GLRA1: variants seen among roughly 807,000 people sequenced by gnomAD.
GLRA1 encodes the protein glycine receptor subunit alpha-1.
In GLRA1, 37 loss-of-function variants were observed where a neutral mutation model predicts 48.3. That is an observed-to-expected ratio of 0.77 (90% confidence interval 0.59 to 1.01). GLRA1 has a LOEUF of 1.01. GLRA1 is among the 50% of genes least tolerant of loss of function. The probability of loss-of-function intolerance (pLI) is 0.00; values close to 1 mark genes in which losing one functional copy is unlikely to be tolerated. For missense variants in GLRA1, 427 were observed against 571.0 expected, an observed-to-expected ratio of 0.75 and a Z score of 2.57; for synonymous variants, 196 against 210.7, an observed-to-expected ratio of 0.93 and a Z score of 0.60.
intron 3 of GLRA1, among the ~76,000 whole-genome samples, chr5:151,883,308 TG>T (rs1197630922): frequency 6.6e-6 from 1 of 152,176 alleles, no homozygotes; most frequent in Non-Finnish European, 1.5e-5. Context: ...GGCATGATAT[TG>T]GGTTGGATTT....
At chr5:151,869,167 G>A (rs370486629) in intron 3 of GLRA1, among the ~76,000 whole-genome samples, 13 of 151,374 alleles carry the variant, frequency 8.6e-5, no homozygotes, top group Admixed American at 1.3e-4. Flanking sequence ...GCAGTGGTGC[G>A]ATCTCTGCTC....
chr5:151,832,088 A>G (rs1350248097), intron 7 of GLRA1, among the ~76,000 whole-genome samples: 1 of 152,254 alleles, frequency 6.6e-6, no homozygotes, highest in Non-Finnish European at 1.5e-5. Context: ...TAACAAACAG[A>G]AAGGAATAGC....
chr5:151,891,968 C>T (rs1754087831), intron 2 of GLRA1, among the ~76,000 whole-genome samples: 1 of 152,190 alleles, frequency 6.6e-6, no homozygotes, highest in African/African-American at 2.4e-5. Flanking sequence ...AGAGACTCAT[C>T]ATCTAAGCTC....
chr5:151,846,386 T>C (rs1313082798), intron 7 of GLRA1, among the ~76,000 whole-genome samples: 1 of 152,176 alleles, frequency 6.6e-6, no homozygotes, highest in Non-Finnish European at 1.5e-5. Flanking sequence ...GAATGTTGAA[T>C]CTAACATAAG....
intron 2 of GLRA1, among the ~76,000 whole-genome samples, chr5:151,890,823 T>A (rs79699454): frequency 6.6e-6 from 1 of 152,216 alleles, no homozygotes; most frequent in Admixed American, 6.5e-5. Context: ...AACCTTGTTA[T>A]TGACTTACCT....
At chr5:151,879,479 A>G (rs1753709742) in intron 3 of GLRA1, among the ~76,000 whole-genome samples, 1 of 152,030 alleles carries the variant, frequency 6.6e-6, no homozygotes, top group Non-Finnish European at 1.5e-5. Flanking sequence ...CTCAGCCTCC[A>G]AGTAGCTGGG....
intron 8 of GLRA1, among the ~76,000 whole-genome samples, chr5:151,825,102 A>G (rs918007040): frequency 6.6e-6 from 1 of 152,186 alleles, no homozygotes; most frequent in Non-Finnish European, 1.5e-5. Context: ...TGTGCCACCT[A>G]CAGTGCCTGG....
intron 1 of GLRA1, among the ~76,000 whole-genome samples, chr5:151,911,665 G>A (rs1359049829): frequency 6.8e-6 from 1 of 147,050 alleles, no homozygotes; most frequent in Non-Finnish European, 1.5e-5. Flanking sequence ...GAGTGCAGTG[G>A]CACTACCTCT....
At chr5:151,844,169 T>TAA (rs144551996) in intron 7 of GLRA1, among the ~76,000 whole-genome samples, 32 of 144,858 alleles carry the variant, frequency 2.2e-4, no homozygotes, top group African/African-American at 4.3e-4. Flanking sequence ...GACTATGTCT[T>TAA]AAAAAAAAAA....
At chr5:151,885,449 C>T (rs1753876084) in intron 3 of GLRA1, among the ~76,000 whole-genome samples, 2 of 152,206 alleles carry the variant, frequency 1.3e-5, no homozygotes, top group African/African-American at 4.8e-5. Context: ...AGAAGGGACC[C>T]ATCCCAGCCT....
intron 4 of GLRA1, 86 bp downstream of exon 4, chr5:151,859,699 G>T: frequency 3.1e-6 from 3 of 970,050 alleles, no homozygotes; most frequent in Non-Finnish European, 3.3e-6. Context: ...ACCTCTGTTT[G>T]GCCCCTCTTT....
intron 3 of GLRA1, among the ~76,000 whole-genome samples, chr5:151,880,414 A>C (rs2913894): frequency 0.63 from 96,232 of 152,044 alleles, 30,779 homozygotes; most frequent in African/African-American, 0.71. Context: ...TGCCCCTTAA[A>C]GTCAAATAAG....
chr5:151,872,006 A>T lies in GLRA1; in HGVS notation c.253-11998T>A, dbSNP rs189750985. 1.8e-4 allele frequency among the ~76,000 whole-genome samples: 27 copies of T among 149,872 alleles called. 1 individual carries two copies. Among genetic ancestry groups the T allele is most frequent in the Non-Finnish European group, 3.5e-4 (24 of 68,038 alleles). On this transcript the variant is annotated intron_variant, in intron 3 of 8. Coordinates refer to ENST00000274576, the MANE Select transcript of GLRA1 (RefSeq NM_000171.4). ...CAGACATAGAAATATAATGAGTCAT[A>T]GAAATTAAAGCAGTGTGATATTGGT...
intron 3 of GLRA1, among the ~76,000 whole-genome samples, chr5:151,878,190 AAAGG>A (rs1433724650): frequency 8.5e-5 from 13 of 152,204 alleles, no homozygotes; most frequent in Non-Finnish European, 1.6e-4. Flanking sequence ...GAACTGGAGC[AAAGG>A]TGACGCTTGT....
intron 1 of GLRA1, among the ~76,000 whole-genome samples, chr5:151,893,530 C>T (rs776466448): frequency 2.0e-5 from 3 of 151,956 alleles, no homozygotes; most frequent in Non-Finnish European, 2.9e-5. Flanking sequence ...ACCCGACAGG[C>T]CCTGTTGTGT....
At chr5:151,924,429 G>T (rs1754956488) in intron 1 of GLRA1, 65 bp downstream of exon 1, 1 of 979,762 alleles carries the variant, frequency 1.0e-6, no homozygotes, top group African/African-American at 1.6e-5. Flanking sequence ...CACGGACAGA[G>T]GTAGCCTCCG....
chr5:151,891,376 A>C (rs1481318036), intron 2 of GLRA1, among the ~76,000 whole-genome samples: 1 of 152,216 alleles, frequency 6.6e-6, no homozygotes, highest in Non-Finnish European at 1.5e-5. Context: ...TCTGGAGTAG[A>C]GTTTGTAAAT....
chr5:151,909,616 G>A (rs1225360028), intron 1 of GLRA1, among the ~76,000 whole-genome samples: 1 of 152,144 alleles, frequency 6.6e-6, no homozygotes, highest in Non-Finnish European at 1.5e-5. Context: ...AGTCTTAAAT[G>A]TTATCAGTAT....
At chr5:151,921,746 G>A (rs1386812352) in intron 1 of GLRA1, among the ~76,000 whole-genome samples, 3 of 152,170 alleles carry the variant, frequency 2.0e-5, no homozygotes, top group Non-Finnish European at 4.4e-5. Context: ...TGGCTACAGG[G>A]CCCCATTCTC....
Sources: allele counts gnomAD v4.1 joint callset (sites outside exome capture counted in the v4.1 genomes callset), GRCh38; gene constraint gnomAD v4.1.1; transcripts MANE v1.5; gene names NCBI Gene and HGNC (gene_info 2026-07-23, HGNC 2026-07-21).